The following DPP6 variants were observed in gnomAD, a reference collection of about 807,000 sequenced individuals.
DPP6 encodes dipeptidyl peptidase like 6, also known as A-type potassium channel modulatory protein DPP6.
In DPP6, 69 loss-of-function variants were observed where a neutral mutation model predicts 122.6. The ratio of observed to expected loss-of-function variants is 0.56; its 90% CI spans 0.46 to 0.69. The LOEUF is 0.69. Among genes scored for constraint, DPP6 ranks in the 30% least tolerant of loss-of-function variants. The pLI, the probability that DPP6 is intolerant of heterozygous loss-of-function variation, is 0.00. For missense variants in DPP6, 928 were observed against 1,116.9 expected (o/e 0.83, Z 2.41); for synonymous variants, 418 against 433.1 (o/e 0.97, Z 0.43).
At chr7:153,880,477 A>G in the DPP6 span, among the ~76,000 whole-genome samples, 4 of 152,218 alleles carry the variant, frequency 2.6e-5, no homozygotes, top group Non-Finnish European at 5.9e-5. Flanking sequence ...CTTCCTTAAG[A>G]TAGTATTTAA....
chr7:154,823,252 A>G (rs184188228), intron 16 of DPP6, among the ~76,000 whole-genome samples: 147 of 152,370 alleles, frequency 9.6e-4, no homozygotes, highest in Non-Finnish European at 1.0e-3. Flanking sequence ...ACAATGAAAG[A>G]GAATCAAAAA....
chr7:154,265,527 T>C (rs948837402), intron 1 of DPP6, among the ~76,000 whole-genome samples: 5 of 152,302 alleles, frequency 3.3e-5, no homozygotes, highest in Middle Eastern at 3.4e-3. Flanking sequence ...TCAGGAGATA[T>C]AGAAGTAGAC....
chr7:153,837,047 T>C, the DPP6 span, among the ~76,000 whole-genome samples: 1 of 152,202 alleles, frequency 6.6e-6, no homozygotes, highest in Non-Finnish European at 1.5e-5. Context: ...GTAATCATCA[T>C]GCCACACCGC....
intron 7 of DPP6, among the ~76,000 whole-genome samples, chr7:154,721,162 T>C (rs1333971533): frequency 6.6e-6 from 1 of 152,242 alleles, no homozygotes; most frequent in African/African-American, 2.4e-5. Context: ...ATCACACTTT[T>C]CATTTATTTA....
At chr7:153,846,949 A>C in the DPP6 span, among the ~76,000 whole-genome samples, 10 of 152,018 alleles carry the variant, frequency 6.6e-5, no homozygotes, top group South Asian at 2.1e-4. Context: ...GGCCTCCCAA[A>C]GTGCTGGAGT....
At chr7:153,842,612 A>G in the DPP6 span, among the ~76,000 whole-genome samples, 10,088 of 152,234 alleles carry the variant, frequency 0.066, 566 homozygotes, top group East Asian at 0.24. Flanking sequence ...TTACATTTAA[A>G]TCTTCAAACC....
chr7:154,432,887 A>T (rs1278640238), intron 1 of DPP6, among the ~76,000 whole-genome samples: 1 of 152,156 alleles, frequency 6.6e-6, no homozygotes, highest in African/African-American at 2.4e-5. Flanking sequence ...ATGTGTACTC[A>T]TATGGTAGTT....
At chr7:153,843,102 A>G in the DPP6 span, among the ~76,000 whole-genome samples, 2,075 of 151,854 alleles carry the variant, frequency 0.014, 19 homozygotes, top group Non-Finnish European at 0.022. Flanking sequence ...GTGCATACAC[A>G]CACGAGTGCA....
At chr7:154,217,931 C>A (rs992257851) in intron 1 of DPP6, among the ~76,000 whole-genome samples, 1 of 152,236 alleles carries the variant, frequency 6.6e-6, no homozygotes, top group Non-Finnish European at 1.5e-5. Flanking sequence ...TCTGGAGCAG[C>A]TGGCGGGAGT....
the DPP6 span, among the ~76,000 whole-genome samples, chr7:153,856,912 G>C: frequency 0.012 from 1,755 of 152,256 alleles, 29 homozygotes; most frequent in African/African-American, 0.039. Context: ...CTTAGCCTAA[G>C]ACAAGTCAGG....
At chr7:154,307,869 T>C (rs73727965) in intron 1 of DPP6, among the ~76,000 whole-genome samples, 8 of 152,086 alleles carry the variant, frequency 5.3e-5, no homozygotes, top group Admixed American at 5.2e-4. Flanking sequence ...TGTTTCTTTT[T>C]TTTTTTTTTT....
chr7:154,230,055 G>C (rs1800830651), intron 1 of DPP6, among the ~76,000 whole-genome samples: 1 of 152,142 alleles, frequency 6.6e-6, no homozygotes. Context: ...ATAAAGGAAA[G>C]TTAGAGTTTG....
At chr7:154,522,966 C>T (rs34095652) in intron 3 of DPP6, among the ~76,000 whole-genome samples, 13 of 152,022 alleles carry the variant, frequency 8.6e-5, no homozygotes, top group Admixed American at 2.0e-4. Flanking sequence ...CCCCCAAAAC[C>T]CACCTCTGGG....
At chr7:154,247,890 T>G (rs565863294) in intron 1 of DPP6, among the ~76,000 whole-genome samples, 1 of 152,328 alleles carries the variant, frequency 6.6e-6, no homozygotes, top group East Asian at 1.9e-4. Flanking sequence ...TGTGATCTAT[T>G]CATACAGTGA....
At chr7:154,296,937 A>G (rs1805575302) in intron 1 of DPP6, among the ~76,000 whole-genome samples, 1 of 152,224 alleles carries the variant, frequency 6.6e-6, no homozygotes, top group Non-Finnish European at 1.5e-5. Flanking sequence ...AGTCAGTCTC[A>G]GTTCATGGTA....
chr7:154,854,880 C>T (rs1489053642), intron 17 of DPP6, among the ~76,000 whole-genome samples: 1 of 152,206 alleles, frequency 6.6e-6, no homozygotes, highest in African/African-American at 2.4e-5. Flanking sequence ...TAACCCAAAG[C>T]AGCCTGTGTC....
chr7:153,920,088 T>C (rs1320999877), intron 1 of DPP6, among the ~76,000 whole-genome samples: 1 of 152,208 alleles, frequency 6.6e-6, no homozygotes, highest in Non-Finnish European at 1.5e-5. Flanking sequence ...AGTGAGGTAA[T>C]GCAAAGAACA....
chr7:154,051,936 G>T (rs1446874880), upstream of DPP6, among the ~76,000 whole-genome samples: 1 of 151,838 alleles, frequency 6.6e-6, no homozygotes, highest in African/African-American at 2.4e-5. Flanking sequence ...CCAGGTCCTC[G>T]GGGTGTCTCT....
At chr7:153,847,510 AAG>A in the DPP6 span, among the ~76,000 whole-genome samples, 3 of 152,204 alleles carry the variant, frequency 2.0e-5, no homozygotes, top group Non-Finnish European at 4.4e-5. Flanking sequence ...GCATTCTGAA[AAG>A]AGAGTGGATT....
Sources: allele counts gnomAD v4.1 joint callset (sites outside exome capture counted in the v4.1 genomes callset), GRCh38; gene constraint gnomAD v4.1.1; transcripts MANE v1.5; gene names NCBI Gene and HGNC (gene_info 2026-07-23, HGNC 2026-07-21).